Variants in TTBK2 observed in about 807,000 individuals in gnomAD.
The protein encoded by TTBK2 is tau tubulin kinase 2.
A neutral mutation model predicts 110.8 loss-of-function variants in TTBK2; 28 were observed. The ratio of observed to expected loss-of-function variants is 0.25; its 90% confidence interval spans 0.19 to 0.35. The LOEUF is 0.35. Ranked by LOEUF, TTBK2 falls within the 10% of genes least tolerant of loss-of-function variation. The pLI, the probability that TTBK2 is intolerant of heterozygous loss-of-function variation, is 1.00. For synonymous variants in TTBK2, 532 were observed against 527.3 expected, an observed-to-expected ratio of 1.01 and a Z score of -0.12; for missense variants, 1,369 against 1,500.3, an observed-to-expected ratio of 0.91 and a Z score of 1.45.
chr15:42,913,042 G>A (rs1241661694), intron 1 of TTBK2, among the ~76,000 whole-genome samples: 3 of 146,792 alleles, frequency 2.0e-5, no homozygotes, highest in Non-Finnish European at 4.5e-5. Flanking sequence ...GGAGAATGGC[G>A]TGAACCCGGG....
chr15:42,819,735 T>G (rs865873119), intron 6 of TTBK2, among the ~76,000 whole-genome samples: 1 of 152,248 alleles, frequency 6.6e-6, no homozygotes, highest in Admixed American at 6.5e-5. Flanking sequence ...TGGAGAGTTC[T>G]CTTTTTAGAA....
At chr15:42,875,542 C>G (rs1894784201) in intron 2 of TTBK2, among the ~76,000 whole-genome samples, 1 of 152,026 alleles carries the variant, frequency 6.6e-6, no homozygotes, top group Non-Finnish European at 1.5e-5. Flanking sequence ...TGTGCCAGCT[C>G]TGAGGATTGC....
chr15:42,752,460 G>T lies in TTBK2; in HGVS notation c.2786C>A (p.Thr929Asn). ...GGATGACCTAACCATATCCTTCCGGGTTGGGGCACCATGTTCATTCTCTGA... is the reference window on the plus strand; with the variant it reads ...GGATGACCTAACCATATCCTTCCGGTTTGGGGCACCATGTTCATTCTCTGA... ...CVSENEHGAP[T>N]RKDMVRSSFV... Residue 929 changes from threonine to asparagine, a missense_variant, in exon 14 of 15, where the codon ACC (threonine) becomes AAC (asparagine). This residue lies in a region of TTBK2 where 1,097 missense variants were observed against 1,114.7 expected (regional missense o/e 0.98). Coordinates refer to ENST00000267890, the MANE Select transcript of TTBK2 (RefSeq NM_173500.4). The T allele has an allele frequency of 6.2e-7, 1 of 1,614,166 alleles. No individual in the cohort carries two copies. Among genetic ancestry groups the T allele is most frequent in the Non-Finnish European group, 8.5e-7 (1 of 1,180,042 alleles).
At chr15:42,759,713 A>G (rs190500844) in intron 13 of TTBK2, among the ~76,000 whole-genome samples, 1 of 152,336 alleles carries the variant, frequency 6.6e-6, no homozygotes, top group East Asian at 1.9e-4. Flanking sequence ...GCATCCACCT[A>G]GCATCAAAGC....
At chr15:42,793,635 G>C (rs368864229) in intron 10 of TTBK2, among the ~76,000 whole-genome samples, 2 of 152,000 alleles carry the variant, frequency 1.3e-5, no homozygotes, top group East Asian at 3.9e-4. Context: ...GATCACTTGA[G>C]GTCAGGAGTT....
At chr15:42,786,893 T>C (rs1352919432) in intron 10 of TTBK2, among the ~76,000 whole-genome samples, 2 of 152,192 alleles carry the variant, frequency 1.3e-5, no homozygotes, top group Admixed American at 6.6e-5. Flanking sequence ...AATTATATCA[T>C]GTTCAGGAAT....
chr15:42,752,921 C>T lies in TTBK2; in HGVS notation c.2325G>A (p.Gly775=), dbSNP rs544778041. 7.4e-6 allele frequency: 12 copies of T among 1,614,122 alleles called. No individual in the cohort carries two copies. The African/African-American group carries it at 8.0e-5, about 11-fold the overall frequency. The change falls in exon 14 of 15, where the codon GGG becomes GGA. Residue 775 remains glycine, a synonymous_variant. Coordinates refer to ENST00000267890, the MANE Select transcript of TTBK2 (RefSeq NM_173500.4). ...LVVREFENLP[G]ETEEKSILLE... ...AAAGGATGCTTTTCTCTTCAGTTTCCCCAGGGAGATTTTCAAATTCTCTCA... is the reference window on the plus strand; with the variant it reads ...AAAGGATGCTTTTCTCTTCAGTTTCTCCAGGGAGATTTTCAAATTCTCTCA...
intron 3 of TTBK2, among the ~76,000 whole-genome samples, chr15:42,843,758 CA>C (rs57403388): frequency 0.061 from 4,371 of 71,494 alleles, 80 homozygotes; most frequent in East Asian, 0.18. Flanking sequence ...GACTTGGTCT[CA>C]AAAAAAAAAA....
At chr15:42,756,405 G>C (rs963584233) in intron 13 of TTBK2, among the ~76,000 whole-genome samples, 6 of 152,042 alleles carry the variant, frequency 3.9e-5, no homozygotes, top group Non-Finnish European at 8.8e-5. Flanking sequence ...GGCCAACATG[G>C]TGAAACCCTC....
intron 1 of TTBK2, among the ~76,000 whole-genome samples, chr15:42,916,032 G>C (rs888790098): frequency 1.3e-5 from 2 of 152,108 alleles, no homozygotes; most frequent in African/African-American, 4.8e-5. Context: ...AAGAGAGAGA[G>C]AGAATGTGTG....
chr15:42,799,619 A>G (rs1267580163), intron 9 of TTBK2, among the ~76,000 whole-genome samples: 1 of 152,064 alleles, frequency 6.6e-6, no homozygotes, highest in East Asian at 2.0e-4. Flanking sequence ...TATTTTTAGT[A>G]GAGACAGGGT....
chr15:42,746,073 C>A lies in TTBK2; in HGVS notation c.3457G>T (p.Ala1153Ser). The change falls in exon 15 of 15, where the codon GCC becomes TCC. Residue 1153 changes from alanine to serine, a missense_variant. Ala to Ser is a moderately conservative substitution (Grantham distance 99, BLOSUM62 1). Coordinates refer to ENST00000267890, the MANE Select transcript of TTBK2 (RefSeq NM_173500.4). ...SPVVPRRSPS[A>S]SPRSSSLPRT... is the part of the protein sequence containing the mutation. ...GGCAAGGATGAGCTTCGAGGAGAGG[C>A]ACTGGGACTCCTGCGAGGGACAACT... 6.2e-7 allele frequency: 1 copy of A among 1,614,068 alleles called. No individual in the cohort carries two copies. Among genetic ancestry groups the A allele is most frequent in the Non-Finnish European group, 8.5e-7 (1 of 1,180,016 alleles).
chr15:42,777,114 C>G lies in TTBK2; in HGVS notation c.1326G>C (p.Lys442Asn), dbSNP rs747834336. ...GCTCAAAGCTGTGAATGGAACGTAACTTTCGCACCAGTGGAATATCTCTGT... is the reference window on the plus strand; with the variant it reads ...GCTCAAAGCTGTGAATGGAACGTAAGTTTCGCACCAGTGGAATATCTCTGT... ...QPDRDIPLVR[K>N]LRSIHSFELE... The change falls in exon 12 of 15, where the codon AAG becomes AAC. Residue 442 changes from lysine to asparagine, a missense_variant. Coordinates refer to ENST00000267890, the MANE Select transcript of TTBK2 (RefSeq NM_173500.4). 1.7e-5 allele frequency: 27 copies of G among 1,614,072 alleles called. 2 individuals carry two copies. In the South Asian group the frequency reaches 2.4e-4, roughly 14 times the overall value.
intron 1 of TTBK2, among the ~76,000 whole-genome samples, chr15:42,911,115 C>T (rs548710021): frequency 1.3e-5 from 2 of 150,300 alleles, no homozygotes; most frequent in Non-Finnish European, 3.0e-5. Context: ...CAAATGCATA[C>T]AAAAAATTGA....
At position 42,887,886 on chromosome 15, in the gene TTBK2, T is replaced by C. The variant is rs200921394; in HGVS notation, c.-67-9202A>G. On this transcript the variant is annotated intron_variant, in intron 1 of 14. Transcript: ENST00000267890. ...ATTACTTCAGTCAAGCCCAAATTTC[T>C]TCCTCATCTGTTACCTACCTCGGCA... Among the ~76,000 whole-genome samples, 6 of 152,116 alleles carry C rather than the reference T, an allele frequency of 3.9e-5. No individual in the cohort carries two copies. The East Asian group carries it at 1.2e-3, about 29-fold the overall frequency.
At chr15:42,810,290 C>G (rs1033753239) in intron 9 of TTBK2, among the ~76,000 whole-genome samples, 1 of 152,178 alleles carries the variant, frequency 6.6e-6, no homozygotes, top group Non-Finnish European at 1.5e-5. Flanking sequence ...TTCTGGTCAA[C>G]AAATTAGCTA....
At chr15:42,893,573 C>T (rs894664034) in intron 1 of TTBK2, among the ~76,000 whole-genome samples, 1 of 151,050 alleles carries the variant, frequency 6.6e-6, no homozygotes, top group Admixed American at 6.6e-5. Flanking sequence ...TAAGCTTCCA[C>T]CTAGGGGGAA....
At chr15:42,817,616 G>A (rs951012541) in intron 6 of TTBK2, among the ~76,000 whole-genome samples, 1 of 151,984 alleles carries the variant, frequency 6.6e-6, no homozygotes, top group African/African-American at 2.4e-5. Flanking sequence ...TCAAGTTATC[G>A]GATGCTTAGT....
Position 42,752,813 on chromosome 15 carries a change from A to G in TTBK2, c.2433T>C (p.Ile811=). The change falls in exon 14 of 15, where the codon ATT becomes ATC. Residue 811 remains isoleucine (I), a synonymous_variant. Coordinates refer to ENST00000267890, the MANE Select transcript of TTBK2 (RefSeq NM_173500.4). ...TAGTAGCTGAGTGATCCTTTTCCAC[A>G]ATTACCAAATCTCCTGGGAGAGAGG... ...EISSLPGDLV[I]VEKDHSATTE... 1 of 1,614,114 alleles carries G rather than the reference A, an allele frequency of 6.2e-7. No homozygotes were observed. The highest frequency in any genetic ancestry group is 8.5e-7 in the Non-Finnish European group (1 of 1,180,022).
Sources: gnomAD v4.1 joint callset for allele counts (sites outside exome capture counted in the v4.1 genomes callset) on GRCh38, gnomAD v4.1.1 for gene constraint, gnomAD v4.1.1 regional missense constraint, MANE v1.5 for transcripts, NCBI Gene and HGNC (gene_info 2026-07-23, HGNC 2026-07-21) for gene names.